ISOC1: variants seen among roughly 807,000 people sequenced by gnomAD.
ISOC1 encodes the protein isochorismatase domain containing 1.
ISOC1 carries 33 observed loss-of-function variants against 30.0 expected under a neutral mutation model. That is an observed-to-expected ratio of 1.10 (90% confidence interval 0.83 to 1.47). The LOEUF (loss-of-function observed/expected upper bound fraction) is 1.47. ISOC1 is among the 40% of genes most tolerant of loss of function. The pLI is 0.00. For synonymous variants in ISOC1, 178 were observed against 159.8 expected, an observed-to-expected ratio of 1.11 and a Z score of -0.86; for missense variants, 372 against 388.0, an observed-to-expected ratio of 0.96 and a Z score of 0.35.
intron 1 of ISOC1, among the ~76,000 whole-genome samples, chr5:129,102,960 T>C (rs1013148050): frequency 2.0e-5 from 3 of 152,246 alleles, no homozygotes; most frequent in Non-Finnish European, 4.4e-5. Flanking sequence ...TGTTAGTGAA[T>C]GGCCTCCACC....
At position 129,097,009 on chromosome 5, in the gene ISOC1, C is replaced by T. The variant is rs73234004; in HGVS notation, c.309+1934C>T. 9.7e-3 allele frequency among the ~76,000 whole-genome samples: 1,474 copies of T among 152,212 alleles called. 31 individuals are homozygous for T. Among genetic ancestry groups the T allele is most frequent in the African/African-American group, 0.034 (1,412 of 41,510 alleles). On this transcript the variant is annotated intron_variant, in intron 1 of 4. Coordinates refer to ENST00000173527, the MANE Select transcript of ISOC1 (RefSeq NM_016048.2). ...TCAAAAGGCGTTATATAATTCTGGT[C>T]ACCTGTAGCTTTTGCAGTGTTTTGC...
chr5:129,103,943 CTT>C (rs1172246714), intron 1 of ISOC1, among the ~76,000 whole-genome samples: 1 of 152,226 alleles, frequency 6.6e-6, no homozygotes, highest in Admixed American at 6.5e-5. Flanking sequence ...GCACCTCAGA[CTT>C]TTAAGAATCC....
intron 4 of ISOC1, among the ~76,000 whole-genome samples, chr5:129,108,672 C>T (rs1025163748): frequency 3.9e-5 from 6 of 152,014 alleles, no homozygotes; most frequent in South Asian, 2.1e-4. Context: ...CCACTGCACC[C>T]GGCTAATTTT....
At chr5:129,095,564 C>A (rs1026071138) in intron 1 of ISOC1, among the ~76,000 whole-genome samples, 3 of 151,646 alleles carry the variant, frequency 2.0e-5, no homozygotes, top group African/African-American at 7.3e-5. Flanking sequence ...CAAACCCATT[C>A]CCCCCCGCCT....
At chr5:129,100,780 G>A (rs1753561025) in intron 1 of ISOC1, among the ~76,000 whole-genome samples, 1 of 151,932 alleles carries the variant, frequency 6.6e-6, no homozygotes, top group South Asian at 2.1e-4. Context: ...GTGGATTTGG[G>A]GTGAGGATTT....
chr5:129,109,252 T>G (rs988426640), intron 4 of ISOC1, among the ~76,000 whole-genome samples: 1 of 152,176 alleles, frequency 6.6e-6, no homozygotes, highest in African/African-American at 2.4e-5. Flanking sequence ...CAGGTTCTGG[T>G]GTTTTGTAAA....
chr5:129,106,939 C>T lies in ISOC1; in HGVS notation c.634-7C>T. On this transcript the variant is annotated splice_polypyrimidine_tract_variant and splice_region_variant and intron_variant, in intron 3 of 4. Transcript: ENST00000173527. ...TATTACATATGATTCTTGTACTTTC[C>T]TACTAGACTCATGTGTGCATCCAAC... The T allele has an allele frequency of 6.3e-7, 1 of 1,594,254 alleles. No homozygotes were observed. The highest frequency in any genetic ancestry group is 2.2e-5 in the East Asian group (1 of 44,770).
Position 129,094,907 on chromosome 5 carries a change from C to T in ISOC1, c.141C>T (p.Tyr47=), listed in dbSNP as rs1413132198. The T allele has an allele frequency of 1.2e-6, 2 of 1,611,652 alleles. No individual in the cohort carries two copies. The highest frequency in any genetic ancestry group is 1.7e-6 in the Non-Finnish European group (2 of 1,179,648). ...RPSSVPHGAG[Y]ELLIQKFLSL... ...CGTCGGTGCCACACGGGGCGGGCTA[C>T]GAGCTGCTCATCCAGAAGTTCCTCA... is the stretch of plus-strand genomic sequence containing the variant. The change falls in exon 1 of 5, where the codon TAC becomes TAT. Residue 47 remains tyrosine, a synonymous_variant. Transcript: ENST00000173527.
At chr5:129,097,463 A>G (rs1369187383) in intron 1 of ISOC1, among the ~76,000 whole-genome samples, 2 of 152,134 alleles carry the variant, frequency 1.3e-5, no homozygotes, top group Non-Finnish European at 2.9e-5. Flanking sequence ...TGTACACTAT[A>G]TTCTTTGGAA....
intron 1 of ISOC1, among the ~76,000 whole-genome samples, chr5:129,098,759 T>G (rs908947394): frequency 1.3e-5 from 2 of 152,150 alleles, no homozygotes; most frequent in African/African-American, 2.4e-5. Context: ...TTTCCCAAGA[T>G]GGTTAACTGG....
Position 129,113,181 on chromosome 5 carries a change from A to T in ISOC1, c.*180A>T. On this transcript the variant is annotated 3_prime_UTR_variant, in exon 5 of 5. Transcript: ENST00000173527. ...ACCATTTGAGTACCAGCATTTAGTT[A>T]CAAACGTCAAAGGCTTCCGGTGCTG... 1 of 497,224 alleles carries T rather than the reference A, an allele frequency of 2.0e-6. No individual in the cohort carries two copies. Among genetic ancestry groups the T allele is most frequent in the Non-Finnish European group, 3.5e-6 (1 of 286,230 alleles). The allele number at this position is 497,224 out of a possible 1,614,324, so 30.8% of individuals were successfully genotyped here.
chr5:129,106,398 A>G (rs1297639342), intron 3 of ISOC1, among the ~76,000 whole-genome samples: 1 of 152,210 alleles, frequency 6.6e-6, no homozygotes, highest in African/African-American at 2.4e-5. Context: ...AGTACTTACA[A>G]AGATGGAATC....
At chr5:129,098,918 G>A (rs530190677) in intron 1 of ISOC1, among the ~76,000 whole-genome samples, 2 of 152,200 alleles carry the variant, frequency 1.3e-5, no homozygotes, top group African/African-American at 4.8e-5. Flanking sequence ...AACCTTGTTC[G>A]CCTTTGGCTT....
intron 1 of ISOC1, among the ~76,000 whole-genome samples, chr5:129,100,861 T>G (rs370841509): frequency 2.0e-5 from 3 of 151,818 alleles, no homozygotes; most frequent in African/African-American, 7.3e-5. Context: ...CCTTTCTGTT[T>G]GTAAGGTATA....
Position 129,113,239 on chromosome 5 carries a change from T to G in ISOC1, c.*238T>G, listed in dbSNP as rs543738207. 8.5e-5 allele frequency: 31 copies of G among 364,516 alleles called. No individual in the cohort carries two copies. Among genetic ancestry groups the G allele is most frequent in the Admixed American group, 1.7e-4 (4 of 23,510 alleles). 22.6% of individuals were successfully genotyped at this position (364,516 alleles called of 1,614,324 possible). A position where few individuals can be genotyped will look rare whatever the true frequency, so the allele number is the denominator to read the frequency against. ...TCCTTTTTTGTTAATGTGCTTTTATTTATTAAAAAAAATTACAATGAAGAT... is the reference window on the plus strand; with the variant it reads ...TCCTTTTTTGTTAATGTGCTTTTATGTATTAAAAAAAATTACAATGAAGAT... On this transcript the variant is annotated 3_prime_UTR_variant, in exon 5 of 5. Coordinates refer to ENST00000173527, the MANE Select transcript of ISOC1 (RefSeq NM_016048.2).
intron 1 of ISOC1, among the ~76,000 whole-genome samples, chr5:129,095,325 C>A (rs1415071213): frequency 2.6e-5 from 4 of 152,234 alleles, no homozygotes; most frequent in Non-Finnish European, 5.9e-5. Flanking sequence ...GGTTTCAGCG[C>A]CCGCGAACGC....
chr5:129,103,705 G>A (rs1256287168), intron 1 of ISOC1, among the ~76,000 whole-genome samples: 1 of 152,166 alleles, frequency 6.6e-6, no homozygotes, highest in African/African-American at 2.4e-5. Flanking sequence ...GAGATACTAA[G>A]GAGAGTCTAA....
intron 4 of ISOC1, among the ~76,000 whole-genome samples, chr5:129,108,701 G>A (rs1753667886): frequency 2.0e-5 from 3 of 152,024 alleles, no homozygotes; most frequent in Admixed American, 2.0e-4. Context: ...TAGTAGAGAT[G>A]GGGTTTTGCC....
At chr5:129,111,177 TA>T (rs1010084517) in intron 4 of ISOC1, among the ~76,000 whole-genome samples, 2 of 152,078 alleles carry the variant, frequency 1.3e-5, no homozygotes, top group African/African-American at 4.8e-5. Flanking sequence ...CCAGAAGTCT[TA>T]AAAAAATACT....
Sources: gnomAD v4.1 joint callset for allele counts (sites outside exome capture counted in the v4.1 genomes callset) on GRCh38, gnomAD v4.1.1 for gene constraint, MANE v1.5 for transcripts, NCBI Gene and HGNC (gene_info 2026-07-23, HGNC 2026-07-21) for gene names.